The following HIF3A variants were observed in gnomAD, a reference collection of about 807,000 sequenced individuals.
HIF3A encodes hypoxia-inducible factor 3-alpha.
Under a neutral mutation model 67.2 loss-of-function variants are expected in HIF3A, and 41 were observed. That is an observed-to-expected ratio of 0.61 (90% CI 0.48 to 0.79). HIF3A has a LOEUF of 0.79. Among genes scored for constraint, HIF3A ranks in the 30% least tolerant of loss-of-function variants. The pLI is 0.00. For missense variants in HIF3A, 855 were observed against 898.0 expected, an observed-to-expected ratio of 0.95 and a Z score of 0.61; for synonymous variants, 356 against 374.8, an observed-to-expected ratio of 0.95 and a Z score of 0.58.
chr19:46,328,972 C>T (rs1287795288), intron 11 of HIF3A: 4 of 408,232 alleles, frequency 9.8e-6, no homozygotes, highest in Non-Finnish European at 1.7e-5. Flanking sequence ...ATGCTCCCGA[C>T]TCAGCCTCCT....
chr19:46,308,473 G>A (rs918952243), intron 4 of HIF3A, 168 bp downstream of exon 4: 3 of 633,840 alleles, frequency 4.7e-6, no homozygotes, highest in Non-Finnish European at 8.3e-6. Context: ...TGCCCTGGGG[G>A]GGTCTGAGGG....
At chr19:46,318,548 C>CAAAAAAA (rs908312286) in intron 8 of HIF3A, among the ~76,000 whole-genome samples, 2 of 54,084 alleles carry the variant, frequency 3.7e-5, no homozygotes, top group Admixed American at 2.5e-4. Context: ...GATCCTGTCT[C>CAAAAAAA]AAAAAAAAAA....
In HIF3A at chr19:46,308,689, C is replaced by T. The variant is rs1479398392; in HGVS notation, c.475C>T (p.Pro159Ser). Reference protein sequence around the residue: ...QTLSRRKVEAPTERCFSLRMK... With the variant: ...QTLSRRKVEASTERCFSLRMK... ...CCTGTCCAGGAGGAAGGTGGAGGCC[C>T]CCACGGAGCGGTGCTTCTCCTTGCG... Residue 159 changes from proline (P) to serine (S), a missense_variant, in exon 5 of 15, where the codon CCC becomes TCC. By Grantham distance (74) the Pro-to-Ser change is moderately conservative (BLOSUM62 -1). Transcript: ENST00000377670. 1.9e-6 allele frequency: 3 copies of T among 1,608,872 alleles called. No homozygotes were observed. The highest frequency in any genetic ancestry group is 1.7e-6 in the Non-Finnish European group (2 of 1,178,044).
intron 9 of HIF3A, 90 bp from the exon 10 acceptor site, chr19:46,321,686 C>A: frequency 8.5e-7 from 1 of 1,173,542 alleles, no homozygotes; most frequent in Non-Finnish European, 1.2e-6. Flanking sequence ...CTGAAGATGT[C>A]AACTGTGTTC....
In HIF3A at chr19:46,329,274, ACGC is replaced by A; in HGVS notation, c.1510_1512del (p.Ala504del). 6.2e-7 allele frequency: 1 copy of A among 1,613,252 alleles called. No homozygotes were observed. The highest frequency in any genetic ancestry group is 8.5e-7 in the Non-Finnish European group (1 of 1,179,922). ...TCCATGGATGATGACTTCCAGCTCAACGCCAGCGAGCAGCTACCCAGGGCCTAC... is the reference window on the plus strand; with the variant it reads ...TCCATGGATGATGACTTCCAGCTCAACAGCGAGCAGCTACCCAGGGCCTAC... On this transcript the variant is annotated inframe_deletion, in exon 12 of 15. Transcript: ENST00000377670.
intron 1 of HIF3A, chr19:46,303,614 G>A (rs993709033): frequency 6.4e-7 from 1 of 1,565,140 alleles, no homozygotes; most frequent in Non-Finnish European, 8.7e-7. Context: ...AGTCAGGGAG[G>A]GGACAGAGCG....
intron 14 of HIF3A, 84 bp downstream of exon 14, chr19:46,335,070 C>A: frequency 1.9e-6 from 2 of 1,051,732 alleles, no homozygotes; most frequent in Non-Finnish European, 2.8e-6. Flanking sequence ...TCCAAAGGTG[C>A]TGGGGGACTG....
In HIF3A at chr19:46,321,835, C is replaced by T. The variant is rs1970391499; in HGVS notation, c.1204C>T (p.Leu402=). ...CCCGCCTTCCCTGAGCGAGGCTGCCCTGGCCGCTGACCCCCGCCGTTTCTG... is the reference window on the plus strand; with the variant it reads ...CCCGCCTTCCCTGAGCGAGGCTGCCTTGGCCGCTGACCCCCGCCGTTTCTG... The part of the protein sequence containing the change: ...LHPPSLSEAA[L]AADPRRFCSP... Residue 402 remains leucine, a synonymous_variant, in exon 10 of 15, where the codon CTG becomes TTG. Coordinates refer to ENST00000377670, the MANE Select transcript of HIF3A (RefSeq NM_152795.4). 6.2e-7 allele frequency: 1 copy of T among 1,613,844 alleles called. No individual in the cohort carries two copies. Among genetic ancestry groups the T allele is most frequent in the African/African-American group, 1.3e-5 (1 of 74,926 alleles).
rs950791288 is a variant in HIF3A, at chr19:46,343,375, G to C, written c.*3753G>C. ...GGGGAGGGACTAGACTGGCCACACT[G>C]GCTCTGAAACTCACCAATCTCTATA... On this transcript the variant is annotated 3_prime_UTR_variant, in exon 15 of 15. Coordinates refer to ENST00000377670, the MANE Select transcript of HIF3A (RefSeq NM_152795.4). 6.6e-6 allele frequency: 1 copy of C among 152,608 alleles called. No individual in the cohort carries two copies. Among genetic ancestry groups the C allele is most frequent in the Non-Finnish European group, 1.5e-5 (1 of 68,126 alleles). 9.5% of individuals were successfully genotyped at this position (152,608 alleles called of 1,614,324 possible). A position where few individuals can be genotyped will look rare whatever the true frequency, so the allele number is the denominator to read the frequency against.
chr19:46,308,737 C>T lies in HIF3A; in HGVS notation c.523C>T (p.Arg175Cys), dbSNP rs568443364. The T allele has an allele frequency of 1.2e-4, 196 of 1,610,184 alleles. 3 individuals are homozygous for T. The South Asian group carries it at 1.8e-3, about 15-fold the overall frequency. The change falls in exon 5 of 15, where the codon CGC becomes TGC. Residue 175 changes from arginine to cysteine, a missense_variant. Around this residue, in one of 3 missense-constraint regions of HIF3A, gnomAD observed 638 missense variants for 660.5 expected, o/e 0.97. Coordinates refer to ENST00000377670, the MANE Select transcript of HIF3A (RefSeq NM_152795.4). ...SLRMKSTLTS[R>C]GRTLNLKAAT... is the part of the protein sequence containing the mutation. ...GCGCATGAAGAGTACACTCACCAGC[C>T]GCGGGCGCACCCTCAACCTCAAGGC...
At chr19:46,300,472 C>T (rs1968226504) in intron 1 of HIF3A, among the ~76,000 whole-genome samples, 1 of 152,118 alleles carries the variant, frequency 6.6e-6, no homozygotes. Context: ...ACCAGCCTGG[C>T]CAACATAGTG....
intron 1 of HIF3A, 193 bp from the exon 2 acceptor site, chr19:46,303,705 A>AAGGGCTCCACAGTGT: frequency 6.3e-7 from 1 of 1,576,040 alleles, no homozygotes; most frequent in Non-Finnish European, 8.6e-7. Context: ...CAGGGCTAGG[A>AAGGGCTCCACAGTGT]AGGGCTCCAC....
rs1353341813 is a variant in HIF3A at position 46,342,462 on chromosome 19, T to C, written c.*2840T>C. 6.6e-6 allele frequency: 1 copy of C among 151,922 alleles called. No homozygotes were observed. The highest frequency in any genetic ancestry group is 1.5e-5 in the Non-Finnish European group (1 of 68,004). 9.4% of individuals were successfully genotyped at this position (151,922 alleles called of 1,614,324 possible). The stretch of plus-strand genomic sequence containing the variant: ...GTTGCCCAGGCTGGTCGCGAACTAC[T>C]GAGCTCAAGCAATTCTCCCTCCTTG... On this transcript the variant is annotated 3_prime_UTR_variant, in exon 15 of 15. Transcript: ENST00000377670.
chr19:46,317,660 G>T (rs1970024631), intron 8 of HIF3A, among the ~76,000 whole-genome samples: 1 of 151,956 alleles, frequency 6.6e-6, no homozygotes, highest in Admixed American at 6.6e-5. Flanking sequence ...ATGAGCTCAG[G>T]TGTCCCCCAT....
intron 10 of HIF3A, among the ~76,000 whole-genome samples, chr19:46,322,395 C>T (rs1970440243): frequency 6.6e-6 from 1 of 152,086 alleles, no homozygotes; most frequent in South Asian, 2.1e-4. Context: ...GCTCTTTGCT[C>T]TTCAGACACC....
chr19:46,311,160 CT>C (rs1421440719), intron 6 of HIF3A, among the ~76,000 whole-genome samples: 1 of 152,068 alleles, frequency 6.6e-6, no homozygotes, highest in Non-Finnish European at 1.5e-5. Context: ...CTTTTTCTGT[CT>C]TTTCTTAGCT....
intron 1 of HIF3A, among the ~76,000 whole-genome samples, chr19:46,299,771 C>T (rs1297317264): frequency 6.7e-6 from 1 of 149,876 alleles, no homozygotes; most frequent in Non-Finnish European, 1.5e-5. Context: ...ACTCCCTTTC[C>T]ACCACCCCAG....
chr19:46,313,886 T>G (rs1030682869), intron 8 of HIF3A, among the ~76,000 whole-genome samples: 1 of 152,106 alleles, frequency 6.6e-6, no homozygotes, highest in African/African-American at 2.4e-5. Flanking sequence ...GGTCTCGAAC[T>G]CCTGACCTCA....
At chr19:46,312,845 A>G in intron 8 of HIF3A, 192 bp downstream of exon 8, 1 of 1,274,126 alleles carries the variant, frequency 7.8e-7, no homozygotes, top group East Asian at 3.7e-5. Flanking sequence ...GTGTGTCTGC[A>G]TGGACACAGG....
Sources: gnomAD v4.1 joint callset for allele counts (sites outside exome capture counted in the v4.1 genomes callset) on GRCh38, gnomAD v4.1.1 for gene constraint, gnomAD v4.1.1 regional missense constraint, MANE v1.5 for transcripts, NCBI Gene and HGNC (gene_info 2026-07-23, HGNC 2026-07-21) for gene names.